The following PDSS2 variants were observed in gnomAD, a reference collection of about 807,000 sequenced individuals.
The protein encoded by PDSS2 is all trans-polyprenyl-diphosphate synthase PDSS2.
PDSS2 carries 31 observed loss-of-function variants against 44.5 expected under a neutral mutation model. The observed-to-expected ratio is 0.70, with a 90% confidence interval of 0.52 to 0.94. The LOEUF (loss-of-function observed/expected upper bound fraction) is 0.94, where lower values mean the gene tolerates loss of function less well. PDSS2 is among the 40% of genes least tolerant of loss of function. PDSS2 has a pLI of 0.00. For missense variants in PDSS2, 452 were observed against 482.2 expected, an observed-to-expected ratio of 0.94 and a Z score of 0.59; for synonymous variants, 157 against 180.3, an observed-to-expected ratio of 0.87 and a Z score of 1.03.
chr6:107,364,900 G>A (rs745771656), intron 1 of PDSS2, among the ~76,000 whole-genome samples: 1 of 152,194 alleles, frequency 6.6e-6, no homozygotes, highest in Non-Finnish European at 1.5e-5. Context: ...AGAAACCATG[G>A]AGACCAGAGA....
At chr6:107,199,025 T>C (rs559343049) in intron 6 of PDSS2, among the ~76,000 whole-genome samples, 1 of 152,220 alleles carries the variant, frequency 6.6e-6, no homozygotes, top group East Asian at 1.9e-4. Flanking sequence ...ATATGTCAAG[T>C]TAGATACAAA....
intron 7 of PDSS2, among the ~76,000 whole-genome samples, chr6:107,170,612 C>G (rs1303707272): frequency 9.8e-4 from 56 of 57,198 alleles, no homozygotes; most frequent in African/African-American, 2.5e-3. Context: ...AACCACCCCC[C>G]CCCCCCCACT....
chr6:107,300,390 A>T (rs1370970775), intron 2 of PDSS2, among the ~76,000 whole-genome samples: 1 of 140,798 alleles, frequency 7.1e-6, no homozygotes, highest in Admixed American at 7.2e-5. Context: ...CTCCAACAGC[A>T]CTTGGGTTTT....
intron 2 of PDSS2, among the ~76,000 whole-genome samples, chr6:107,323,181 G>GCT (rs942782680): frequency 1.3e-5 from 2 of 152,314 alleles, no homozygotes; most frequent in Non-Finnish European, 2.9e-5. Flanking sequence ...TGTGGAAATA[G>GCT]CTCTAGTAGT....
intron 7 of PDSS2, among the ~76,000 whole-genome samples, chr6:107,168,874 G>C (rs1438186731): frequency 2.6e-5 from 4 of 152,106 alleles, no homozygotes; most frequent in Non-Finnish European, 5.9e-5. Flanking sequence ...TTCCCTTTGT[G>C]GGTAACCCGA....
At chr6:107,452,618 G>A (rs1781906152) in intron 1 of PDSS2, among the ~76,000 whole-genome samples, 1 of 151,930 alleles carries the variant, frequency 6.6e-6, no homozygotes, top group Non-Finnish European at 1.5e-5. Flanking sequence ...CCAGTCTGTG[G>A]CTAAACTTTT....
At chr6:107,197,833 G>A (rs769552622) in intron 6 of PDSS2, 51 of 471,036 alleles carry the variant, frequency 1.1e-4, no homozygotes, top group African/African-American at 3.2e-4. Context: ...CTTATCATGC[G>A]GTGCTTAAGA....
Position 107,321,224 on chromosome 6 carries a change from G to T in PDSS2, c.431+12974C>A, listed in dbSNP as rs539869322. On this transcript the variant is annotated intron_variant, in intron 2 of 7. Coordinates refer to ENST00000369037, the MANE Select transcript of PDSS2 (RefSeq NM_020381.4). ...TTGAATGAATGAATGAATGAGCAAAGGAACAAATCTAGCAGAGGGACAAGA... is the reference window on the plus strand; with the variant it reads ...TTGAATGAATGAATGAATGAGCAAATGAACAAATCTAGCAGAGGGACAAGA... Among the ~76,000 whole-genome samples, 88 of 152,198 alleles carry T rather than the reference G, an allele frequency of 5.8e-4. 1 individual carries two copies. The highest frequency in any genetic ancestry group is 2.0e-3 in the African/African-American group (81 of 41,518).
intron 1 of PDSS2, among the ~76,000 whole-genome samples, chr6:107,432,230 G>T (rs890093687): frequency 6.6e-6 from 1 of 152,130 alleles, no homozygotes; most frequent in Non-Finnish European, 1.5e-5. Context: ...AATATAATTT[G>T]GGGGGAAAGT....
intron 4 of PDSS2, among the ~76,000 whole-genome samples, chr6:107,227,753 C>G (rs1773883818): frequency 6.6e-6 from 1 of 152,188 alleles, no homozygotes; most frequent in Non-Finnish European, 1.5e-5. Flanking sequence ...ACTTGAAAAT[C>G]TGAATGAATG....
At chr6:107,202,563 A>T (rs1474791626) in intron 6 of PDSS2, among the ~76,000 whole-genome samples, 4 of 152,080 alleles carry the variant, frequency 2.6e-5, no homozygotes, top group African/African-American at 9.7e-5. Flanking sequence ...CTAGTTACAG[A>T]GCTGGAAAGA....
rs73513148 is a variant in PDSS2, at chr6:107,367,317, C to T, written c.297-32985G>A. On this transcript the variant is annotated intron_variant, in intron 1 of 7. Coordinates refer to ENST00000369037, the MANE Select transcript of PDSS2 (RefSeq NM_020381.4). ...ACAACACCTATTCACAATAAAAACT[C>T]TCAATATGTGAGAAACAGAAGGAAA... Among the ~76,000 whole-genome samples, 926 of 152,268 alleles carry T rather than the reference C, an allele frequency of 6.1e-3. 6 individuals are homozygous for T. Among genetic ancestry groups the T allele is most frequent in the African/African-American group, 0.022 (905 of 41,556 alleles).
Position 107,210,546 on chromosome 6 carries a change from TA to T in PDSS2, c.900del (p.Phe300LeufsTer10). 1 of 1,600,168 alleles carries T rather than the reference TA, an allele frequency of 6.2e-7. No homozygotes were observed. The highest frequency in any genetic ancestry group is 8.6e-7 in the Non-Finnish European group (1 of 1,167,500). On this transcript the variant is annotated frameshift_variant, in exon 6 of 8. Coordinates refer to ENST00000369037, the MANE Select transcript of PDSS2 (RefSeq NM_020381.4). LOFTEE classifies it high-confidence loss of function. ...SHKINSDVQPFIKEKTSDSMT... is the reference protein window; with the variant it reads ...SHKINSDVQPXIKEKTSDSMT... ...ATGGAGTCACTGGTCTTTTCTTTAA[TA>T]AAAGGCTGGACATCAGAATTTATCT...
chr6:107,168,190 G>C (rs1217822527), intron 7 of PDSS2, among the ~76,000 whole-genome samples: 6 of 152,174 alleles, frequency 3.9e-5, no homozygotes, highest in Admixed American at 1.3e-4. Flanking sequence ...ATTTAGGAGA[G>C]TTAGCTCTTC....
chr6:107,410,172 A>G (rs981519670), intron 1 of PDSS2, among the ~76,000 whole-genome samples: 1 of 152,208 alleles, frequency 6.6e-6, no homozygotes, highest in African/African-American at 2.4e-5. Context: ...TCCAAGAGCA[A>G]TAGAAAATGC....
At chr6:107,181,340 C>T (rs1771969605) in intron 7 of PDSS2, among the ~76,000 whole-genome samples, 1 of 151,368 alleles carries the variant, frequency 6.6e-6, no homozygotes, top group African/African-American at 2.4e-5. Flanking sequence ...CAAGATCAGC[C>T]TAGCCAACAT....
rs551583396 is a variant in PDSS2, at chr6:107,349,038, T to C, written c.297-14706A>G. Among the ~76,000 whole-genome samples the C allele has an allele frequency of 5.3e-5, 8 of 152,282 alleles. No individual in the cohort carries two copies. In the South Asian group the frequency reaches 6.2e-4, roughly 12 times the overall value. ...CTTTTTGTAAACAATCTCAAACTTATAGAAAAGTTACAAGTACAAAGAATT... is the reference window on the plus strand; with the variant it reads ...CTTTTTGTAAACAATCTCAAACTTACAGAAAAGTTACAAGTACAAAGAATT... On this transcript the variant is annotated intron_variant, in intron 1 of 7. Coordinates refer to ENST00000369037, the MANE Select transcript of PDSS2 (RefSeq NM_020381.4).
rs939300822 is a variant in PDSS2, at chr6:107,210,328, G to A, written c.1008+111C>T. ...ACAAAGAAAGGATTTTACCTGTTAC[G>A]TGAATATGCCTAAGGCTCATCTATA... On this transcript the variant is annotated intron_variant, in intron 6 of 7. Coordinates refer to ENST00000369037, the MANE Select transcript of PDSS2 (RefSeq NM_020381.4). The A allele has an allele frequency of 1.6e-4, 125 of 802,564 alleles. 1 individual carries two copies. Among genetic ancestry groups the A allele is most frequent in the South Asian group, 1.1e-3 (73 of 68,812 alleles). 49.7% of individuals were successfully genotyped at this position (802,564 alleles called of 1,614,324 possible). A position where few individuals can be genotyped will look rare whatever the true frequency, so the allele number is the denominator to read the frequency against.
chr6:107,386,775 A>G (rs1252098311), intron 1 of PDSS2, among the ~76,000 whole-genome samples: 1 of 152,200 alleles, frequency 6.6e-6, no homozygotes, highest in East Asian at 1.9e-4. Flanking sequence ...GGCTTAATCA[A>G]TTTTGTTCTT....
Sources: allele counts gnomAD v4.1 joint callset (sites outside exome capture counted in the v4.1 genomes callset), GRCh38; gene constraint gnomAD v4.1.1; transcripts MANE v1.5; gene names NCBI Gene and HGNC (gene_info 2026-07-23, HGNC 2026-07-21).